The following ACAA2 variants were observed in gnomAD, a reference collection of about 807,000 sequenced individuals.
ACAA2 encodes the protein acetyl-CoA acyltransferase 2.
In ACAA2, 35 loss-of-function variants were observed where a neutral mutation model predicts 44.8. The ratio of observed to expected loss-of-function variants is 0.78; its 90% CI spans 0.60 to 1.04. The LOEUF is 1.04. Ranked by LOEUF, ACAA2 falls within the 50% of genes least tolerant of loss-of-function variation. The pLI is 0.00. For missense variants in ACAA2, 468 were observed against 482.6 expected, an observed-to-expected ratio of 0.97 and a Z score of 0.28; for synonymous variants, 142 against 166.5, an observed-to-expected ratio of 0.85 and a Z score of 1.13.
chr18:49,787,171 G>C, intron 8 of ACAA2, 120 bp downstream of exon 8: 1 of 754,750 alleles, frequency 1.3e-6, no homozygotes, highest in Non-Finnish European at 1.9e-6. Flanking sequence ...TACATCATTT[G>C]GAAAGGCTAA....
At chr18:49,791,357 C>G in intron 7 of ACAA2, 113 bp downstream of exon 7, 1 of 962,154 alleles carries the variant, frequency 1.0e-6, no homozygotes, top group Non-Finnish European at 1.6e-6. Flanking sequence ...GATTACCAAT[C>G]TTCTTTTCTC....
intron 8 of ACAA2, among the ~76,000 whole-genome samples, chr18:49,786,981 C>T (rs2023337835): frequency 6.6e-6 from 1 of 152,060 alleles, no homozygotes; most frequent in Non-Finnish European, 1.5e-5. Flanking sequence ...TAATATTCAA[C>T]AGGCATGTTA....
intron 6 of ACAA2, 120 bp from the exon 7 acceptor site, chr18:49,791,719 G>GAGAT: frequency 1.0e-6 from 1 of 959,228 alleles, no homozygotes. Context: ...TGCACAGTGT[G>GAGAT]AGATACAATT....
chr18:49,797,077 C>G (rs11082783), intron 3 of ACAA2, among the ~76,000 whole-genome samples: 10 of 151,890 alleles, frequency 6.6e-5, no homozygotes, highest in African/African-American at 2.4e-4. Context: ...ATCTCCAGAA[C>G]GCTTTTCATC....
intron 3 of ACAA2, among the ~76,000 whole-genome samples, chr18:49,797,265 C>CTTTTTTTTTTTTTTTTTTTTT: frequency 7.0e-6 from 1 of 143,798 alleles, no homozygotes; most frequent in Non-Finnish European, 1.5e-5. Context: ...TCATTATTAG[C>CTTTTTTTTTTTTTTTTTTTTT]TTTTTTTTTT....
At chr18:49,788,535 C>A (rs140860507) in intron 7 of ACAA2, among the ~76,000 whole-genome samples, 17 of 149,722 alleles carry the variant, frequency 1.1e-4, no homozygotes, top group African/African-American at 4.1e-4. Flanking sequence ...TACTGATTTA[C>A]TACAGGATCT....
intron 2 of ACAA2, among the ~76,000 whole-genome samples, chr18:49,798,582 G>A (rs551788453): frequency 6.6e-6 from 1 of 152,082 alleles, no homozygotes; most frequent in East Asian, 1.9e-4. Flanking sequence ...GGTCTATCAA[G>A]GTACGGGGTT....
chr18:49,792,268 C>T lies in ACAA2; in HGVS notation c.637G>A (p.Gly213Arg), dbSNP rs770791532. Residue 213 changes from glycine to arginine, a missense_variant, in exon 6 of 10, where the codon GGA (glycine) becomes AGA (arginine). Gly to Arg is a moderately radical substitution (Grantham distance 125). Coordinates refer to ENST00000285093, the MANE Select transcript of ACAA2 (RefSeq NM_006111.3). ...TCGTCTACCTGCATTGTCTGTTTTC[C>T]TTTCTTTGTCTTCACTTCAATTGGT... Reference protein sequence around the residue: ...MAPIEVKTKKGKQTMQVDEHA... With the variant: ...MAPIEVKTKKRKQTMQVDEHA... 6.2e-7 allele frequency: 1 copy of T among 1,613,824 alleles called. No homozygotes were observed. Among genetic ancestry groups the T allele is most frequent in the South Asian group, 1.1e-5 (1 of 91,042 alleles).
At chr18:49,786,211 C>G (rs1232560382) in intron 8 of ACAA2, 1 of 152,132 alleles carries the variant, frequency 6.6e-6, no homozygotes, top group East Asian at 1.9e-4. Context: ...TATCTTTCTA[C>G]TCTATATACA....
intron 1 of ACAA2, among the ~76,000 whole-genome samples, chr18:49,808,157 A>G (rs4939895): frequency 0.2 from 30,524 of 152,140 alleles, 3,438 homozygotes; most frequent in East Asian, 0.4. Flanking sequence ...CACAACTATT[A>G]GTCTTTTGGA....
At chr18:49,799,771 G>A (rs1342270607) in intron 2 of ACAA2, among the ~76,000 whole-genome samples, 1 of 150,206 alleles carries the variant, frequency 6.7e-6, no homozygotes. Context: ...GGAAGTGAGG[G>A]GCGCCTCTTC....
At chr18:49,813,404 G>A in intron 1 of ACAA2, 65 bp downstream of exon 1, 3 of 1,189,788 alleles carry the variant, frequency 2.5e-6, no homozygotes, top group Non-Finnish European at 3.2e-6. Flanking sequence ...GGCCGGAAGC[G>A]GAGGCCTGGC....
At position 49,792,199 on chromosome 18, in the gene ACAA2, GAA is replaced by G; in HGVS notation, c.704_705del (p.Leu235ProfsTer20). The G allele has an allele frequency of 6.2e-7, 1 of 1,614,002 alleles. No individual in the cohort carries two copies. The highest frequency in any genetic ancestry group is 1.7e-4 in the Middle Eastern group (1 of 6,030). On this transcript the variant is annotated frameshift_variant, in exon 6 of 10. Coordinates refer to ENST00000285093, the MANE Select transcript of ACAA2 (RefSeq NM_006111.3). LOFTEE classifies it high-confidence loss of function. ...GTTCCATCTTTCTTGAATACTGGAGGAAGTTTCTGTAACTGTTCCAGGGTGGT... is the reference window on the plus strand; with the variant it reads ...GTTCCATCTTTCTTGAATACTGGAGGGTTTCTGTAACTGTTCCAGGGTGGT... ...PQTTLEQLQKLPPVFKKDGTV... is the reference protein window; with the variant it reads ...PQTTLEQLQKXPPVFKKDGTV...
intron 1 of ACAA2, among the ~76,000 whole-genome samples, chr18:49,807,735 G>A (rs950351624): frequency 6.6e-6 from 1 of 151,786 alleles, no homozygotes; most frequent in Non-Finnish European, 1.5e-5. Context: ...GGGAGGCTGA[G>A]GCAAGGGGAC....
chr18:49,784,217 T>C (rs2023300588), intron 9 of ACAA2, among the ~76,000 whole-genome samples: 1 of 152,148 alleles, frequency 6.6e-6, no homozygotes, highest in South Asian at 2.1e-4. Context: ...ATTTAGGGTA[T>C]ATGAAACACA....
intron 1 of ACAA2, among the ~76,000 whole-genome samples, chr18:49,805,609 T>A (rs1385811907): frequency 6.6e-6 from 1 of 152,080 alleles, no homozygotes; most frequent in Non-Finnish European, 1.5e-5. Context: ...GTGCCCAGGC[T>A]AGAGTGCAGT....
intron 2 of ACAA2, among the ~76,000 whole-genome samples, chr18:49,801,564 T>C (rs1299229657): frequency 6.6e-6 from 1 of 151,820 alleles, no homozygotes; most frequent in Non-Finnish European, 1.5e-5. Context: ...TCAACAGACA[T>C]AACTGCCAAA....
At chr18:49,804,207 C>G (rs1246094386) in intron 1 of ACAA2, among the ~76,000 whole-genome samples, 1 of 152,068 alleles carries the variant, frequency 6.6e-6, no homozygotes, top group Admixed American at 6.6e-5. Flanking sequence ...CACCCACTCC[C>G]GGCCCCAACG....
rs2023319224 is a variant in ACAA2, at chr18:49,785,634, A to G, written c.955-283T>C. 7 of 392,094 alleles carry G rather than the reference A, an allele frequency of 1.8e-5. No homozygotes were observed. The South Asian group carries it at 2.2e-4, about 12-fold the overall frequency. 24.3% of individuals were successfully genotyped at this position (392,094 alleles called of 1,614,324 possible). A position where few individuals can be genotyped will look rare whatever the true frequency, so the allele number is the denominator to read the frequency against. On this transcript the variant is annotated intron_variant, in intron 8 of 9. Coordinates refer to ENST00000285093, the MANE Select transcript of ACAA2 (RefSeq NM_006111.3). ...CAGTGGGATACTGTAGAAAGCCCAC[A>G]GGTTTTAGAACTGGATGGATGGTTC...
Sources: gnomAD v4.1 joint callset for allele counts (sites outside exome capture counted in the v4.1 genomes callset) on GRCh38, gnomAD v4.1.1 for gene constraint, MANE v1.5 for transcripts, NCBI Gene and HGNC (gene_info 2026-07-23, HGNC 2026-07-21) for gene names.